ARFGEF2: variants seen among roughly 807,000 people sequenced by gnomAD.
ARFGEF2 encodes the protein brefeldin A-inhibited guanine nucleotide-exchange protein 2.
ARFGEF2 carries 74 observed loss-of-function variants against 219.9 expected under a neutral mutation model. The ratio of observed to expected loss-of-function variants is 0.34; its 90% CI spans 0.28 to 0.41. The LOEUF (loss-of-function observed/expected upper bound fraction) is 0.41, where lower values mean the gene tolerates loss of function less well. Among genes scored for constraint, ARFGEF2 ranks in the 10% least tolerant of loss-of-function variants. ARFGEF2 has a pLI of 1.00. For missense variants in ARFGEF2, 1,743 were observed against 2,218.3 expected (o/e 0.79, Z 4.30); for synonymous variants, 733 against 799.2 (o/e 0.92, Z 1.40).
chr20:49,017,160 T>G, intron 31 of ARFGEF2, 89 bp from the exon 32 acceptor site: 1 of 1,330,210 alleles, frequency 7.5e-7, no homozygotes, highest in Non-Finnish European at 1.1e-6. Flanking sequence ...CCAGTTGCTG[T>G]CTCCAACTCA....
At chr20:48,941,752 A>G (rs2090994296) in intron 2 of ARFGEF2, 112 bp from the exon 3 acceptor site, 1 of 1,501,206 alleles carries the variant, frequency 6.7e-7, no homozygotes, top group Admixed American at 1.7e-5. Context: ...GCCTAGCCCC[A>G]GGATATAGTT....
intron 34 of ARFGEF2, among the ~76,000 whole-genome samples, chr20:49,021,323 C>T (rs904426489): frequency 1.3e-5 from 2 of 151,968 alleles, no homozygotes; most frequent in African/African-American, 4.8e-5. Context: ...ACAACTCAAC[C>T]TCCTTGTTTT....
At chr20:48,936,070 C>CGGGGG (rs2090951537) in intron 1 of ARFGEF2, among the ~76,000 whole-genome samples, 1 of 122,864 alleles carries the variant, frequency 8.1e-6, no homozygotes, top group African/African-American at 3.2e-5. Flanking sequence ...CTGGCCGGGC[C>CGGGGG]GGGGGCTGAA....
chr20:48,930,398 G>A (rs1447656462), intron 1 of ARFGEF2, among the ~76,000 whole-genome samples: 2 of 152,232 alleles, frequency 1.3e-5, no homozygotes, highest in East Asian at 1.9e-4. Flanking sequence ...GTTCAGGTGA[G>A]AGATATTGGT....
At chr20:49,031,644 T>C (rs952528926) in intron 37 of ARFGEF2, among the ~76,000 whole-genome samples, 3 of 152,012 alleles carry the variant, frequency 2.0e-5, no homozygotes, top group African/African-American at 7.3e-5. Context: ...GCTCAGAGGC[T>C]CAGGCTCACA....
Position 48,941,950 on chromosome 20 carries a change from C to T in ARFGEF2, c.239C>T (p.Ser80Phe), listed in dbSNP as rs775999493. The T allele has an allele frequency of 1.9e-6, 3 of 1,614,146 alleles. No individual in the cohort carries two copies. The South Asian group carries it at 3.3e-5, about 18-fold the overall frequency. Residue 80 changes from serine to phenylalanine, a missense_variant, in exon 3 of 39, where the codon TCC becomes TTC. Ser to Phe is a radical substitution (Grantham distance 155). Around this residue, in one of 5 missense-constraint regions of ARFGEF2, gnomAD observed 394 missense variants for 426.6 expected, o/e 0.92. Coordinates refer to ENST00000371917, the MANE Select transcript of ARFGEF2 (RefSeq NM_006420.3). ...LPFELACQSK[S>F]PRVVSTSLDC... ...TTCGAGCTAGCTTGCCAGTCCAAGT[C>T]CCCAAGGGTAGTCAGCACATCCCTT...
In ARFGEF2 at chr20:48,988,525, A is replaced by G. The variant is rs754655353; in HGVS notation, c.2396A>G (p.Lys799Arg). The stretch of plus-strand genomic sequence containing the variant: ...AAAATGACGAAAGAGCAGTATATTA[A>G]AATGAATCGGGGTATCAATGATAGT... The part of the protein sequence containing the change: ...KNKMTKEQYI[K>R]MNRGINDSKD... Residue 799 changes from lysine to arginine, a missense_variant, in exon 18 of 39, where the codon AAA becomes AGA. By Grantham distance (26) the Lys-to-Arg change is conservative (BLOSUM62 2). This residue lies in a region of ARFGEF2 where 666 missense variants were observed against 955.4 expected (regional missense o/e 0.70). Transcript: ENST00000371917. 6.8e-6 allele frequency: 11 copies of G among 1,613,544 alleles called. No homozygotes were observed. The highest frequency in any genetic ancestry group is 8.5e-6 in the Non-Finnish European group (10 of 1,179,750).
intron 25 of ARFGEF2, among the ~76,000 whole-genome samples, chr20:49,002,220 G>A (rs953613728): frequency 1.3e-5 from 2 of 152,084 alleles, no homozygotes; most frequent in African/African-American, 2.4e-5. Flanking sequence ...TCTGGGTGAC[G>A]AGCAAAGCTC....
intron 26 of ARFGEF2, among the ~76,000 whole-genome samples, chr20:49,008,707 G>GTTTTTTT (rs796608906): frequency 2.3e-5 from 3 of 132,426 alleles, no homozygotes; most frequent in Non-Finnish European, 3.3e-5. Context: ...TCATGTAAAG[G>GTTTTTTT]TTTTTTTTTT....
intron 11 of ARFGEF2, among the ~76,000 whole-genome samples, chr20:48,972,892 T>C (rs1479866780): frequency 6.6e-6 from 1 of 152,186 alleles, no homozygotes; most frequent in African/African-American, 2.4e-5. Context: ...TGTTAACCCC[T>C]TCCTTGATGA....
chr20:49,006,208 C>T (rs879355848), intron 26 of ARFGEF2, among the ~76,000 whole-genome samples: 16 of 151,946 alleles, frequency 1.1e-4, no homozygotes, highest in Non-Finnish European at 1.6e-4. Flanking sequence ...GCAGGAGAAT[C>T]GCTTGAACCC....
At chr20:49,022,766 A>G (rs940021096) in intron 34 of ARFGEF2, among the ~76,000 whole-genome samples, 5 of 151,816 alleles carry the variant, frequency 3.3e-5, no homozygotes, top group African/African-American at 9.7e-5. Flanking sequence ...TGTCAACACC[A>G]TGGGAGCAGA....
Position 49,028,637 on chromosome 20 carries a change from T to A in ARFGEF2, c.5032T>A (p.Ser1678Thr). ...GTATGTTGATGAGAACCGCAGGGAT[T>A]CCTGGGAAGAAATACAGCAGAGACT... ...RMYVDENRRDSWEEIQQRLLT... is the reference protein window; with the variant it reads ...RMYVDENRRDTWEEIQQRLLT... The change falls in exon 37 of 39, where the codon TCC becomes ACC. Residue 1678 changes from serine to threonine, a missense_variant. Ser to Thr is a moderately conservative substitution (Grantham distance 58, BLOSUM62 1). Coordinates refer to ENST00000371917, the MANE Select transcript of ARFGEF2 (RefSeq NM_006420.3). 6.2e-7 allele frequency: 1 copy of A among 1,614,192 alleles called. No individual in the cohort carries two copies. Among genetic ancestry groups the A allele is most frequent in the Non-Finnish European group, 8.5e-7 (1 of 1,180,032 alleles).
At position 49,006,877 on chromosome 20, in the gene ARFGEF2, G is replaced by GTTTT. The variant is rs763801014; in HGVS notation, c.3584+1658_3584+1661dup. On this transcript the variant is annotated intron_variant, in intron 26 of 38. Coordinates refer to ENST00000371917, the MANE Select transcript of ARFGEF2 (RefSeq NM_006420.3). ...CTGTGAAAGATGGAAGCCGTTGGAG[G>GTTTT]TTTTTGTTTTTTTTTTTGACGGAGT... Among the ~76,000 whole-genome samples, 2 of 147,030 alleles carry GTTTT rather than the reference G, an allele frequency of 1.4e-5. 1 individual carries two copies. Among genetic ancestry groups the GTTTT allele is most frequent in the African/African-American group, 5.0e-5 (2 of 39,890 alleles).
At chr20:49,008,232 C>T (rs79540538) in intron 26 of ARFGEF2, among the ~76,000 whole-genome samples, 188 of 152,232 alleles carry the variant, frequency 1.2e-3, no homozygotes, top group Non-Finnish European at 1.9e-3. Flanking sequence ...ATGTTGGTAC[C>T]GGTACAACAT....
intron 11 of ARFGEF2, 94 bp from the exon 12 acceptor site, chr20:48,973,051 C>A: frequency 6.9e-7 from 1 of 1,446,530 alleles, no homozygotes; most frequent in Non-Finnish European, 9.7e-7. Flanking sequence ...GTCTGTAGTT[C>A]ACTGGGGAAA....
rs780653839 is a variant in ARFGEF2, at chr20:48,941,921, TC to T, written c.212del (p.Pro71HisfsTer4). 1 of 1,614,190 alleles carries T rather than the reference TC, an allele frequency of 6.2e-7. No homozygotes were observed. Among genetic ancestry groups the T allele is most frequent in the Admixed American group, 1.7e-5 (1 of 60,026 alleles). ...TCATTGAAGCTGACAAGTATTTTCT[TC>T]CATTCGAGCTAGCTTGCCAGTCCAA... is the stretch of plus-strand genomic sequence containing the variant. Reference protein sequence around the residue: ...NFIEADKYFLPFELACQSKSP... With the variant: ...NFIEADKYFLXFELACQSKSP... On this transcript the variant is annotated frameshift_variant, in exon 3 of 39. Coordinates refer to ENST00000371917, the MANE Select transcript of ARFGEF2 (RefSeq NM_006420.3). LOFTEE classifies it high-confidence loss of function.
Position 48,998,199 on chromosome 20 carries a change from T to C in ARFGEF2, c.3228T>C (p.Phe1076=). 1 of 1,614,104 alleles carries C rather than the reference T, an allele frequency of 6.2e-7. No homozygotes were observed. Among genetic ancestry groups the C allele is most frequent in the Non-Finnish European group, 8.5e-7 (1 of 1,179,976 alleles). Reference sequence around the variant, plus strand: ...TCTGGAATTATCTTCCTAGGATTTTTACTGGGTCTACCAGACTGGATGGAA... The same window carrying C: ...TCTGGAATTATCTTCCTAGGATTTTCACTGGGTCTACCAGACTGGATGGAA... The part of the protein sequence containing the change: ...QSVVVAVDRI[F]TGSTRLDGNA... The change falls in exon 24 of 39, where the codon TTT becomes TTC. Residue 1076 remains phenylalanine (F), a synonymous_variant. Coordinates refer to ENST00000371917, the MANE Select transcript of ARFGEF2 (RefSeq NM_006420.3).
chr20:48,973,043 C>G, intron 11 of ARFGEF2, 102 bp from the exon 12 acceptor site: 7 of 1,340,064 alleles, frequency 5.2e-6, no homozygotes, highest in Non-Finnish European at 7.5e-6. Flanking sequence ...CCACCGGAGT[C>G]TGTAGTTCAC....
Sources: allele counts gnomAD v4.1 joint callset (sites outside exome capture counted in the v4.1 genomes callset), GRCh38; gene constraint gnomAD v4.1.1; regional missense constraint gnomAD v4.1.1; transcripts MANE v1.5; gene names NCBI Gene and HGNC (gene_info 2026-07-23, HGNC 2026-07-21).